Variants in ABCB1 observed in about 807,000 individuals in gnomAD.
ABCB1 encodes the protein ATP binding cassette subfamily B member 1.
ABCB1 carries 69 observed loss-of-function variants against 142.0 expected under a neutral mutation model. The observed-to-expected ratio is 0.49, with a 90% CI of 0.40 to 0.59. The LOEUF (loss-of-function observed/expected upper bound fraction) is 0.59. ABCB1 is among the 20% of genes least tolerant of loss of function. The pLI is 0.00. For missense variants in ABCB1, 1,326 were observed against 1,554.7 expected (o/e 0.85, Z 2.47); for synonymous variants, 532 against 539.2 (o/e 0.99, Z 0.18).
At chr7:87,626,277 A>G (rs1176340752) in intron 1 of ABCB1, among the ~76,000 whole-genome samples, 1 of 66,960 alleles carries the variant, frequency 1.5e-5, no homozygotes, top group African/African-American at 6.9e-5. Context: ...TATGTGTCAT[A>G]TATATGTGTC....
intron 1 of ABCB1, among the ~76,000 whole-genome samples, chr7:87,644,085 C>T (rs1328748926): frequency 1.3e-5 from 2 of 152,180 alleles, no homozygotes; most frequent in Non-Finnish European, 2.9e-5. Flanking sequence ...TCTCAAACTC[C>T]TGACCTCAGG....
At chr7:87,651,093 G>A (rs1823526365) in intron 1 of ABCB1, among the ~76,000 whole-genome samples, 1 of 152,138 alleles carries the variant, frequency 6.6e-6, no homozygotes, top group Admixed American at 6.5e-5. Context: ...AAGAGCCTCT[G>A]TTCTCAGATT....
intron 1 of ABCB1, among the ~76,000 whole-genome samples, chr7:87,695,256 T>C (rs1828400340): frequency 6.6e-6 from 1 of 152,140 alleles, no homozygotes; most frequent in Non-Finnish European, 1.5e-5. Context: ...AGCTGGATGG[T>C]CTAATAAATA....
chr7:87,572,019 A>G (rs149934048), intron 4 of ABCB1, among the ~76,000 whole-genome samples: 20 of 152,358 alleles, frequency 1.3e-4, no homozygotes, highest in South Asian at 4.1e-4. Context: ...GCCTTATGTC[A>G]ATACAACAAT....
At chr7:87,510,818 G>T (rs1436371699) in intron 25 of ABCB1, among the ~76,000 whole-genome samples, 1 of 152,132 alleles carries the variant, frequency 6.6e-6, no homozygotes, top group Non-Finnish European at 1.5e-5. Context: ...GTATGCTCCA[G>T]GCTTCCTTAC....
chr7:87,603,237 A>G (rs1819527921), upstream of ABCB1: 1 of 152,238 alleles, frequency 6.6e-6, no homozygotes, highest in Non-Finnish European at 1.5e-5. Flanking sequence ...AAAGAAATTA[A>G]GTCATTTAAT....
At chr7:87,697,756 A>G (rs375504253) in intron 1 of ABCB1, among the ~76,000 whole-genome samples, 1 of 152,218 alleles carries the variant, frequency 6.6e-6, no homozygotes, top group East Asian at 1.9e-4. Flanking sequence ...CAACAGTACT[A>G]TCCAGTAGGT....
chr7:87,561,487 T>C (rs1340238598), intron 7 of ABCB1, 100 bp from the exon 8 acceptor site: 14 of 1,240,610 alleles, frequency 1.1e-5, no homozygotes, highest in African/African-American at 3.0e-5. Context: ...TATACATTAA[T>C]GCATGTGTAG....
intron 1 of ABCB1, among the ~76,000 whole-genome samples, chr7:87,674,140 C>T (rs1826092067): frequency 6.6e-6 from 1 of 152,156 alleles, no homozygotes; most frequent in Non-Finnish European, 1.5e-5. Flanking sequence ...GTGGTACCGG[C>T]CAAACCACTT....
At chr7:87,546,046 T>A in intron 14 of ABCB1, 22 bp from the exon 15 acceptor site, 1 of 1,613,514 alleles carries the variant, frequency 6.2e-7, no homozygotes, top group Middle Eastern at 1.6e-4. Context: ...GAAATTTGGT[T>A]TTTGAATACA....
rs151011344 is a variant in ABCB1, at chr7:87,568,457, T to A, written c.339-1481A>T. Among the ~76,000 whole-genome samples, 638 of 151,904 alleles carry A rather than the reference T, an allele frequency of 4.2e-3. 4 individuals are homozygous for A. Among genetic ancestry groups the A allele is most frequent in the Admixed American group, 8.5e-3 (130 of 15,256 alleles). On this transcript the variant is annotated intron_variant, in intron 5 of 27. Transcript: ENST00000622132. ...CAATTCTTGGGCTTCACTAAACAATTAATTTTTAGGTTAAAGGCAAACATT... is the reference window on the plus strand; with the variant it reads ...CAATTCTTGGGCTTCACTAAACAATAAATTTTTAGGTTAAAGGCAAACATT...
chr7:87,659,084 G>A (rs1480426247), intron 1 of ABCB1: 2 of 247,940 alleles, frequency 8.1e-6, no homozygotes, highest in Non-Finnish European at 1.6e-5. Flanking sequence ...AGCCCAGGAA[G>A]TTGAGGCTGC....
intron 18 of ABCB1, among the ~76,000 whole-genome samples, chr7:87,540,829 T>C (rs1171109251): frequency 6.6e-6 from 1 of 152,228 alleles, no homozygotes; most frequent in Non-Finnish European, 1.5e-5. Context: ...AAAATCTGAC[T>C]CTTTACAAAT....
intron 1 of ABCB1, among the ~76,000 whole-genome samples, chr7:87,678,420 A>G (rs2130571144): frequency 6.6e-6 from 1 of 152,344 alleles, no homozygotes; most frequent in African/African-American, 2.4e-5. Context: ...ACTATTAAAT[A>G]TTAGGTGTTC....
chr7:87,664,996 A>G (rs960784539), intron 1 of ABCB1, among the ~76,000 whole-genome samples: 5 of 152,166 alleles, frequency 3.3e-5, no homozygotes, highest in African/African-American at 1.2e-4. Context: ...AGTAAGCATC[A>G]TATTCAGTGG....
intron 8 of ABCB1, among the ~76,000 whole-genome samples, chr7:87,558,945 G>T (rs1184292514): frequency 6.6e-6 from 1 of 151,754 alleles, no homozygotes; most frequent in East Asian, 1.9e-4. Context: ...TTTCAATTTG[G>T]TATTTTTCAC....
chr7:87,522,975 C>A (rs1420868726), intron 21 of ABCB1, among the ~76,000 whole-genome samples: 1 of 152,218 alleles, frequency 6.6e-6, no homozygotes, highest in African/African-American at 2.4e-5. Flanking sequence ...TATTGTTGAG[C>A]CAGGTTTTCA....
chr7:87,650,766 A>C (rs1043012087), intron 1 of ABCB1: 5 of 1,061,308 alleles, frequency 4.7e-6, no homozygotes, highest in Non-Finnish European at 7.3e-6. Flanking sequence ...CATTTTTTTC[A>C]TACTTAGGGA....
At chr7:87,647,418 A>G (rs989001099) in intron 1 of ABCB1, among the ~76,000 whole-genome samples, 1 of 152,218 alleles carries the variant, frequency 6.6e-6, no homozygotes, top group African/African-American at 2.4e-5. Context: ...CTTGAATGCA[A>G]AAGCAGTAAT....
Sources: allele counts gnomAD v4.1 joint callset (sites outside exome capture counted in the v4.1 genomes callset), GRCh38; gene constraint gnomAD v4.1.1; transcripts MANE v1.5; gene names NCBI Gene and HGNC (gene_info 2026-07-23, HGNC 2026-07-21).